The following ITPRID1 variants were observed in gnomAD, a reference collection of about 807,000 sequenced individuals.
The protein encoded by ITPRID1 is protein ITPRID1.
In ITPRID1, 96 loss-of-function variants were observed where a neutral mutation model predicts 95.4. The ratio of observed to expected loss-of-function variants is 1.01; its 90% CI spans 0.85 to 1.19. ITPRID1 has a LOEUF of 1.19. ITPRID1 is among the 50% of genes most tolerant of loss of function. The pLI is 0.00. For synonymous variants in ITPRID1, 510 were observed against 453.6 expected, an observed-to-expected ratio of 1.12 and a Z score of -1.58; for missense variants, 1,339 against 1,252.9, an observed-to-expected ratio of 1.07 and a Z score of -1.04.
intron 10 of ITPRID1, among the ~76,000 whole-genome samples, chr7:31,598,398 CTTTTTTTTTTTTTTT>C (rs869161999): frequency 1.9e-5 from 2 of 106,830 alleles, no homozygotes; most frequent in Admixed American, 2.1e-4. Context: ...TTTTTTTTTT[CTTTTTTTTTTTTTTT>C]TTTTTTTTGA....
chr7:31,515,683 G>A (rs895564240), intron 1 of ITPRID1, among the ~76,000 whole-genome samples: 13 of 152,210 alleles, frequency 8.5e-5, no homozygotes, highest in African/African-American at 3.1e-4. Context: ...GCAACAACTT[G>A]ATGTGATTAT....
chr7:31,551,807 G>A, intron 2 of ITPRID1: 1 of 343,422 alleles, frequency 2.9e-6, no homozygotes, highest in Non-Finnish European at 5.9e-6. Context: ...CAGTGATTAT[G>A]CATTAAGTTT....
chr7:31,638,857 A>G (rs1182835312), intron 10 of ITPRID1, among the ~76,000 whole-genome samples: 1 of 151,374 alleles, frequency 6.6e-6, no homozygotes, highest in Non-Finnish European at 1.5e-5. Context: ...GCTTACTACA[A>G]CCTCCACCTC....
At chr7:31,616,861 C>A (rs142764155) in intron 10 of ITPRID1, among the ~76,000 whole-genome samples, 1 of 151,442 alleles carries the variant, frequency 6.6e-6, no homozygotes, top group Admixed American at 6.6e-5. Context: ...CCTCTCTTAA[C>A]AGATACCAGA....
rs143462653 is a variant in ITPRID1, at chr7:31,565,296, G to C, written c.257-4462G>C. Among the ~76,000 whole-genome samples the C allele has an allele frequency of 3.1e-4, 47 of 152,264 alleles. No individual in the cohort carries two copies. The East Asian group carries it at 7.3e-3, about 24-fold the overall frequency. ...AATTTTATAACAACTTTTAAAATGAGGTTCATCTTGTGAGTTTAAAAAATC... is the reference window on the plus strand; with the variant it reads ...AATTTTATAACAACTTTTAAAATGACGTTCATCTTGTGAGTTTAAAAAATC... On this transcript the variant is annotated intron_variant, in intron 5 of 14. Transcript: ENST00000615280.
intron 5 of ITPRID1, 29 bp from the exon 6 acceptor site, chr7:31,569,729 G>A (rs769006093): frequency 3.2e-6 from 5 of 1,554,872 alleles, no homozygotes; most frequent in South Asian, 2.4e-5. Flanking sequence ...ACGAAATAAA[G>A]TTCCCCTCTA....
chr7:31,583,300 C>T, intron 10 of ITPRID1, 109 bp downstream of exon 10: 2 of 730,226 alleles, frequency 2.7e-6, no homozygotes, highest in Non-Finnish European at 4.4e-6. Flanking sequence ...CTAGAAGGTA[C>T]TCTAAATTCA....
In ITPRID1 at chr7:31,553,045, A is replaced by C; in HGVS notation, c.21A>C (p.Gln7His). 6.2e-7 allele frequency: 1 copy of C among 1,610,024 alleles called. No individual in the cohort carries two copies. The highest frequency in any genetic ancestry group is 1.3e-5 in the African/African-American group (1 of 75,000). Residue 7 changes from glutamine to histidine, a missense_variant, in exon 3 of 15, where the codon CAA becomes CAC. Gln to His is a conservative substitution (Grantham distance 24). Coordinates refer to ENST00000615280, the MANE Select transcript of ITPRID1 (RefSeq NM_001257967.3). MMAQKS[Q>H]GSDNLQEGQE... ...CTCCTATGATGGCACAGAAATCACAAGGATCTGACAACCTTCAGGAAGGCC... is the reference window on the plus strand; with the variant it reads ...CTCCTATGATGGCACAGAAATCACACGGATCTGACAACCTTCAGGAAGGCC...
intron 9 of ITPRID1, among the ~76,000 whole-genome samples, chr7:31,582,930 G>A (rs142196260): frequency 1.3e-5 from 2 of 152,074 alleles, no homozygotes; most frequent in Non-Finnish European, 2.9e-5. Flanking sequence ...CCATCCAGTT[G>A]TGATCTTCCC....
intron 1 of ITPRID1, among the ~76,000 whole-genome samples, chr7:31,545,218 A>G (rs1355044759): frequency 1.3e-5 from 2 of 152,160 alleles, no homozygotes; most frequent in Non-Finnish European, 2.9e-5. Flanking sequence ...TGCTTATAGA[A>G]AGATCTGCAT....
intron 1 of ITPRID1, among the ~76,000 whole-genome samples, chr7:31,528,188 C>T (rs1368301947): frequency 6.6e-6 from 1 of 152,072 alleles, no homozygotes; most frequent in Non-Finnish European, 1.5e-5. Context: ...GCTGCACTCT[C>T]CCACAAAAAT....
At chr7:31,628,156 A>G (rs1399787096) in intron 10 of ITPRID1, among the ~76,000 whole-genome samples, 6 of 152,212 alleles carry the variant, frequency 3.9e-5, no homozygotes, top group Non-Finnish European at 7.3e-5. Context: ...AGCCATTTTC[A>G]AAAAGTGCCC....
intron 5 of ITPRID1, among the ~76,000 whole-genome samples, chr7:31,558,256 C>A (rs957308216): frequency 2.6e-5 from 4 of 152,164 alleles, no homozygotes; most frequent in African/African-American, 7.2e-5. Context: ...AAATAAACTT[C>A]TTTTCTTTAT....
At chr7:31,581,298 A>G (rs182793758) in intron 9 of ITPRID1, among the ~76,000 whole-genome samples, 3 of 152,222 alleles carry the variant, frequency 2.0e-5, no homozygotes, top group Non-Finnish European at 4.4e-5. Context: ...TCTCAAAAGT[A>G]TAATTTCAAC....
chr7:31,642,906 G>A lies in ITPRID1; in HGVS notation c.1536G>A (p.Glu512=). 6.2e-7 allele frequency: 1 copy of A among 1,614,016 alleles called. No homozygotes were observed. The highest frequency in any genetic ancestry group is 8.5e-7 in the Non-Finnish European group (1 of 1,179,898). ...MEEEFLLEAM[E]GPPELYIPDM... is the part of the protein sequence containing the mutation. ...AAGAGTTTCTGCTTGAGGCCATGGA[G>A]GGGCCACCAGAGCTGTATATCCCAG... Residue 512 remains glutamate, a synonymous_variant, in exon 12 of 15, where the codon GAG becomes GAA. Transcript: ENST00000615280.
rs577783840 is a variant in ITPRID1 at position 31,516,127 on chromosome 7, A to T, written c.-98+2007A>T. Among the ~76,000 whole-genome samples the T allele has an allele frequency of 9.2e-5, 14 of 152,338 alleles. No individual in the cohort carries two copies. In the East Asian group the frequency reaches 2.7e-3, roughly 29 times the overall value. ...GGACGAATTTCAGTGAATCACAGAG[A>T]CACATAGGATTGGGTGAGGAAAGGA... On this transcript the variant is annotated intron_variant, in intron 1 of 14. Coordinates refer to ENST00000615280, the MANE Select transcript of ITPRID1 (RefSeq NM_001257967.3).
intron 1 of ITPRID1, among the ~76,000 whole-genome samples, chr7:31,516,457 C>T (rs1280683349): frequency 2.0e-5 from 3 of 152,170 alleles, no homozygotes; most frequent in South Asian, 4.1e-4. Flanking sequence ...TAATTTAAAA[C>T]ACCCTTGATA....
chr7:31,648,181 A>G (rs1203717011), intron 12 of ITPRID1, among the ~76,000 whole-genome samples: 4 of 152,234 alleles, frequency 2.6e-5, no homozygotes, highest in Non-Finnish European at 5.9e-5. Flanking sequence ...AAGAAAAAGT[A>G]ATATGAGCAT....
chr7:31,536,733 G>A (rs188668124), intron 1 of ITPRID1, among the ~76,000 whole-genome samples: 1 of 152,226 alleles, frequency 6.6e-6, no homozygotes, highest in East Asian at 1.9e-4. Flanking sequence ...TCACTGGGTT[G>A]AACTAACAGA....
Sources: allele counts gnomAD v4.1 joint callset (sites outside exome capture counted in the v4.1 genomes callset), GRCh38; gene constraint gnomAD v4.1.1; transcripts MANE v1.5; gene names NCBI Gene and HGNC (gene_info 2026-07-23, HGNC 2026-07-21).